Variants in GPC5 observed in about 807,000 individuals in gnomAD.
The protein encoded by GPC5 is glypican-5.
Under a neutral mutation model 53.9 loss-of-function variants are expected in GPC5, and 47 were observed. The observed-to-expected ratio is 0.87, with a 90% CI of 0.69 to 1.11. The LOEUF is 1.11. Among genes scored for constraint, GPC5 ranks in the 50% most tolerant of loss-of-function variants. The probability of loss-of-function intolerance (pLI) is 0.00; values close to 1 mark genes in which losing one functional copy is unlikely to be tolerated. For synonymous variants in GPC5, 286 were observed against 263.3 expected (o/e 1.09, Z -0.84); for missense variants, 748 against 713.1 (o/e 1.05, Z -0.56).
At chr13:92,775,976 C>G (rs1242023960) in intron 7 of GPC5, among the ~76,000 whole-genome samples, 1 of 152,178 alleles carries the variant, frequency 6.6e-6, no homozygotes, top group African/African-American at 2.4e-5. Flanking sequence ...ACAAGCCTTG[C>G]CCTCTTGGAG....
rs2040586680 is a variant in GPC5, at chr13:92,004,461, TATATATATATA to T, written c.1401+96405_1401+96415del. ...TCCGTCTCAAAAAAAAAAAAAATTATATATATATATATATATATATATATATATAATTACAC... is the reference window on the plus strand; with the variant it reads ...TCCGTCTCAAAAAAAAAAAAAATTATTATATATATATATATATAATTACAC... On this transcript the variant is annotated intron_variant, in intron 6 of 7. Transcript: ENST00000377067. 9.7e-5 allele frequency among the ~76,000 whole-genome samples: 4 copies of T among 41,368 alleles called. 1 individual carries two copies. Among genetic ancestry groups the T allele is most frequent in the African/African-American group, 2.3e-4 (4 of 17,246 alleles). The allele number at this position is 41,368 out of a possible 152,430, so 27.1% of individuals were successfully genotyped here.
intron 6 of GPC5, among the ~76,000 whole-genome samples, chr13:91,993,829 C>T (rs2040479630): frequency 6.6e-6 from 1 of 152,120 alleles, no homozygotes; most frequent in Admixed American, 6.6e-5. Context: ...GCTATCCAGT[C>T]ACCTTAGCTT....
At chr13:92,412,207 AG>A (rs1480675525) in intron 7 of GPC5, among the ~76,000 whole-genome samples, 1 of 151,980 alleles carries the variant, frequency 6.6e-6, no homozygotes, top group East Asian at 1.9e-4. Context: ...TATTTTAAAA[AG>A]TTTGCAGGGG....
intron 2 of GPC5, among the ~76,000 whole-genome samples, chr13:91,501,207 C>T: frequency 6.8e-6 from 1 of 147,540 alleles, no homozygotes; most frequent in East Asian, 2.0e-4. Flanking sequence ...GTAACAGCAA[C>T]TTCTTGCAGG....
intron 7 of GPC5, among the ~76,000 whole-genome samples, chr13:92,291,468 A>AT (rs770090151): frequency 6.6e-6 from 1 of 152,128 alleles, no homozygotes; most frequent in Non-Finnish European, 1.5e-5. Context: ...GTATCTAGCT[A>AT]ATCTAGTGGG....
chr13:92,439,214 C>T (rs9523671), intron 7 of GPC5, among the ~76,000 whole-genome samples: 3 of 151,926 alleles, frequency 2.0e-5, no homozygotes, highest in African/African-American at 7.3e-5. Flanking sequence ...ACTCCCATAT[C>T]TAGAGGAAGA....
At chr13:92,086,119 G>A (rs2041334169) in intron 6 of GPC5, among the ~76,000 whole-genome samples, 1 of 152,182 alleles carries the variant, frequency 6.6e-6, no homozygotes, top group South Asian at 2.1e-4. Flanking sequence ...TAAGTTATCT[G>A]GAAATTCATG....
At chr13:91,925,526 A>G (rs1207167190) in intron 6 of GPC5, among the ~76,000 whole-genome samples, 1 of 152,182 alleles carries the variant, frequency 6.6e-6, no homozygotes, top group Non-Finnish European at 1.5e-5. Flanking sequence ...CGATTAAATG[A>G]GGGGATCAGC....
At position 91,411,416 on chromosome 13, in the gene GPC5, T is replaced by G. The variant is rs575235719; in HGVS notation, c.163+12207T>G. 3.2e-4 allele frequency among the ~76,000 whole-genome samples: 48 copies of G among 152,312 alleles called. No homozygotes were observed. In the South Asian group the frequency reaches 1.0e-2, roughly 32 times the overall value. ...CAAGGGTGGAGTGTGCTGGCAAATC[T>G]CTGTCTGCCCCTTCAGAAGGCCTCT... On this transcript the variant is annotated intron_variant, in intron 1 of 7. Coordinates refer to ENST00000377067, the MANE Select transcript of GPC5 (RefSeq NM_004466.6).
chr13:92,161,221 G>A lies in GPC5; in HGVS notation c.1561+16232G>A, dbSNP rs73620887. 7.1e-3 allele frequency among the ~76,000 whole-genome samples: 1,084 copies of A among 152,180 alleles called. 24 individuals carry two copies. Among genetic ancestry groups the A allele is most frequent in the African/African-American group, 0.025 (1,036 of 41,522 alleles). ...TGCTTGTTTAAACACAGAGTATAGA[G>A]TTCTAGCCAGAAATAGTGAATCAAC... On this transcript the variant is annotated intron_variant, in intron 7 of 7. Transcript: ENST00000377067.
chr13:91,618,458 G>C (rs1028178452), intron 2 of GPC5, among the ~76,000 whole-genome samples: 1 of 152,024 alleles, frequency 6.6e-6, no homozygotes, highest in Non-Finnish European at 1.5e-5. Context: ...TTCAGGCTCT[G>C]CTTGGGATAG....
At chr13:92,085,066 T>G (rs1188732472) in intron 6 of GPC5, among the ~76,000 whole-genome samples, 1 of 152,174 alleles carries the variant, frequency 6.6e-6, no homozygotes, top group Non-Finnish European at 1.5e-5. Flanking sequence ...ATAAAGGCAC[T>G]AATCCCATTC....
intron 2 of GPC5, among the ~76,000 whole-genome samples, chr13:91,671,932 A>G (rs773679116): frequency 5.9e-5 from 9 of 152,156 alleles, no homozygotes; most frequent in Admixed American, 2.0e-4. Context: ...TCTCAGAGAT[A>G]ACACCTCACA....
chr13:92,427,246 T>C (rs1386295447), intron 7 of GPC5, among the ~76,000 whole-genome samples: 1 of 151,018 alleles, frequency 6.6e-6, no homozygotes, highest in African/African-American at 2.4e-5. Flanking sequence ...CTCTGTGTTA[T>C]TGTGGTTTTA....
At chr13:92,046,999 G>T (rs1370742993) in intron 6 of GPC5, among the ~76,000 whole-genome samples, 1 of 152,124 alleles carries the variant, frequency 6.6e-6, no homozygotes, top group Non-Finnish European at 1.5e-5. Flanking sequence ...AAATGCAGTA[G>T]ATTTAAGTGA....
intron 7 of GPC5, among the ~76,000 whole-genome samples, chr13:92,320,176 A>C (rs947059194): frequency 1.1e-4 from 16 of 152,120 alleles, no homozygotes; most frequent in Non-Finnish European, 2.1e-4. Context: ...CTATGGCTCT[A>C]AAGTTTCTTC....
chr13:92,078,108 A>C (rs1200251894), intron 6 of GPC5, among the ~76,000 whole-genome samples: 1 of 152,200 alleles, frequency 6.6e-6, no homozygotes, highest in Non-Finnish European at 1.5e-5. Flanking sequence ...GACAAGTGAG[A>C]TACCAAATTA....
chr13:91,542,604 C>G (rs895160777), intron 2 of GPC5, among the ~76,000 whole-genome samples: 1 of 152,210 alleles, frequency 6.6e-6, no homozygotes, highest in African/African-American at 2.4e-5. Context: ...AATGCAGTGT[C>G]CAGAGTCCTT....
intron 7 of GPC5, among the ~76,000 whole-genome samples, chr13:92,423,996 G>A (rs1197664116): frequency 7.1e-6 from 1 of 140,022 alleles, no homozygotes; most frequent in Non-Finnish European, 1.5e-5. Context: ...CTGCATTATT[G>A]TGTAATGAGT....
Sources: gnomAD v4.1 joint callset for allele counts (sites outside exome capture counted in the v4.1 genomes callset) on GRCh38, gnomAD v4.1.1 for gene constraint, MANE v1.5 for transcripts, NCBI Gene and HGNC (gene_info 2026-07-23, HGNC 2026-07-21) for gene names.